The following PLD5 variants were observed in gnomAD, a reference collection of about 807,000 sequenced individuals.
PLD5 encodes the protein inactive phospholipase D5.
PLD5 carries 36 observed loss-of-function variants against 61.1 expected under a neutral mutation model. That is an observed-to-expected ratio of 0.59 (90% CI 0.45 to 0.78). PLD5 has a LOEUF of 0.78. Ranked by LOEUF, PLD5 falls within the 30% of genes least tolerant of loss-of-function variation. The pLI is 0.00. For missense variants in PLD5, 515 were observed against 644.4 expected, an observed-to-expected ratio of 0.80 and a Z score of 2.17; for synonymous variants, 243 against 242.8, an observed-to-expected ratio of 1.00 and a Z score of -0.01.
chr1:242,197,593 G>T (rs1668713851), intron 5 of PLD5, among the ~76,000 whole-genome samples: 1 of 150,842 alleles, frequency 6.6e-6, no homozygotes, highest in African/African-American at 2.4e-5. Context: ...TCCTCTAAGA[G>T]ACCACTTGTG....
At chr1:242,414,586 A>AT (rs917839673) in intron 1 of PLD5, among the ~76,000 whole-genome samples, 1 of 152,248 alleles carries the variant, frequency 6.6e-6, no homozygotes, top group East Asian at 1.9e-4. Context: ...GGAAAGCTAC[A>AT]TGGGAAAAAC....
At chr1:242,188,298 A>T (rs1668035075) in intron 5 of PLD5, among the ~76,000 whole-genome samples, 3 of 152,202 alleles carry the variant, frequency 2.0e-5, no homozygotes, top group South Asian at 4.1e-4. Context: ...AGAAGCTATG[A>T]GGATAGGGGA....
chr1:242,497,294 C>A (rs1668402377), intron 1 of PLD5, among the ~76,000 whole-genome samples: 2 of 152,132 alleles, frequency 1.3e-5, no homozygotes, highest in African/African-American at 4.8e-5. Context: ...AATGTTGTTG[C>A]CATATTTTTA....
At chr1:242,482,435 A>G (rs1481880812) in intron 1 of PLD5, among the ~76,000 whole-genome samples, 6 of 152,256 alleles carry the variant, frequency 3.9e-5, no homozygotes, top group Non-Finnish European at 8.8e-5. Flanking sequence ...AGCTGATTTG[A>G]TCAACTGGAA....
At chr1:242,214,565 C>CT (rs1670027841) in intron 5 of PLD5, among the ~76,000 whole-genome samples, 1 of 152,188 alleles carries the variant, frequency 6.6e-6, no homozygotes, top group South Asian at 2.1e-4. Context: ...CACTGCTTGA[C>CT]TAAGCCATGC....
intron 5 of PLD5, among the ~76,000 whole-genome samples, chr1:242,159,571 G>A (rs1437517004): frequency 6.6e-6 from 1 of 152,060 alleles, no homozygotes; most frequent in Non-Finnish European, 1.5e-5. Context: ...GTTCTCCGAG[G>A]TGGGGCTTTC....
At chr1:242,339,226 C>T (rs144337093) in intron 2 of PLD5, among the ~76,000 whole-genome samples, 3 of 152,142 alleles carry the variant, frequency 2.0e-5, no homozygotes, top group Non-Finnish European at 4.4e-5. Flanking sequence ...AAGGTATCCG[C>T]TCAGCCAGGT....
At chr1:242,291,730 CT>C in intron 2 of PLD5, among the ~76,000 whole-genome samples, 1 of 152,180 alleles carries the variant, frequency 6.6e-6, no homozygotes, top group South Asian at 2.1e-4. Context: ...GGCATGAACC[CT>C]GGGAGGTGGA....
intron 5 of PLD5, among the ~76,000 whole-genome samples, chr1:242,131,759 T>C (rs977846697): frequency 1.3e-5 from 2 of 152,056 alleles, no homozygotes; most frequent in South Asian, 2.1e-4. Flanking sequence ...TCTGCCTAGG[T>C]GTTTTGGGTT....
chr1:242,478,510 A>G (rs1471855872), intron 1 of PLD5, among the ~76,000 whole-genome samples: 4 of 152,192 alleles, frequency 2.6e-5, no homozygotes, highest in East Asian at 3.8e-4. Flanking sequence ...TGTTTCTTCT[A>G]TCTTATAGCA....
At chr1:242,480,762 G>T (rs898669228) in intron 1 of PLD5, among the ~76,000 whole-genome samples, 3 of 152,270 alleles carry the variant, frequency 2.0e-5, no homozygotes, top group Admixed American at 2.0e-4. Context: ...AACTTCATTA[G>T]TCATTAGGCA....
chr1:242,097,582 C>G (rs1660347699), intron 9 of PLD5, among the ~76,000 whole-genome samples: 1 of 152,164 alleles, frequency 6.6e-6, no homozygotes, highest in Admixed American at 6.5e-5. Flanking sequence ...CCTTTGCCCA[C>G]TTGTTGATGG....
chr1:242,243,699 G>A (rs1204879077), intron 4 of PLD5, among the ~76,000 whole-genome samples: 1 of 152,160 alleles, frequency 6.6e-6, no homozygotes, highest in Non-Finnish European at 1.5e-5. Context: ...TGTCCAACTT[G>A]GCTCTACTAT....
chr1:242,364,340 G>C (rs1044625802), intron 1 of PLD5, among the ~76,000 whole-genome samples: 3 of 152,176 alleles, frequency 2.0e-5, no homozygotes, highest in African/African-American at 7.2e-5. Flanking sequence ...TAAATAAATA[G>C]AATTCCTTTA....
rs1294439371 is a variant in PLD5 at position 242,207,812 on chromosome 1, ATATT to A, written c.735+12172_735+12175del. ...TATTTATATATATTTATATATATTTATATTTATATATTTATATATATTTATATAT... is the reference window on the plus strand; with the variant it reads ...TATTTATATATATTTATATATATTTATATATATTTATATATATTTATATAT... On this transcript the variant is annotated intron_variant, in intron 5 of 9. Coordinates refer to ENST00000536534, the MANE Select transcript of PLD5 (RefSeq NM_001372062.1). Among the ~76,000 whole-genome samples the A allele has an allele frequency of 2.0e-3, 140 of 68,948 alleles. 7 individuals carry two copies. The highest frequency in any genetic ancestry group is 6.9e-3 in the African/African-American group (92 of 13,372). 45.2% of individuals were successfully genotyped at this position (68,948 alleles called of 152,430 possible).
chr1:242,488,374 T>C (rs541369051), intron 1 of PLD5, among the ~76,000 whole-genome samples: 38 of 152,192 alleles, frequency 2.5e-4, no homozygotes, highest in Non-Finnish European at 5.1e-4. Flanking sequence ...TACAATAGAA[T>C]ATTATTCAGC....
intron 1 of PLD5, among the ~76,000 whole-genome samples, chr1:242,477,589 G>T (rs1667638969): frequency 6.6e-6 from 1 of 152,228 alleles, no homozygotes; most frequent in South Asian, 2.1e-4. Context: ...GGGAACAGTA[G>T]CAGCTCAAAT....
chr1:242,513,548 T>A (rs1669004425), intron 1 of PLD5, among the ~76,000 whole-genome samples: 1 of 152,208 alleles, frequency 6.6e-6, no homozygotes, highest in Admixed American at 6.5e-5. Flanking sequence ...TGATGACATG[T>A]AAATTGAGTC....
intron 2 of PLD5, among the ~76,000 whole-genome samples, chr1:242,313,362 A>T (rs1463928767): frequency 2.6e-5 from 4 of 152,200 alleles, no homozygotes; most frequent in Non-Finnish European, 2.9e-5. Flanking sequence ...ATGTTACTTA[A>T]CATATGAGAT....
Sources: allele counts gnomAD v4.1 joint callset (sites outside exome capture counted in the v4.1 genomes callset), GRCh38; gene constraint gnomAD v4.1.1; transcripts MANE v1.5; gene names NCBI Gene and HGNC (gene_info 2026-07-23, HGNC 2026-07-21).